Variants in TMEM245 observed in about 807,000 individuals in gnomAD.
TMEM245 encodes protein CG-2.
A neutral mutation model predicts 101.2 loss-of-function variants in TMEM245; 69 were observed. The observed-to-expected ratio is 0.68, with a 90% CI of 0.56 to 0.83. The LOEUF (loss-of-function observed/expected upper bound fraction) is 0.83. TMEM245 is among the 40% of genes least tolerant of loss of function. TMEM245 has a pLI of 0.00. For synonymous variants in TMEM245, 537 were observed against 449.8 expected (o/e 1.19, Z -2.45); for missense variants, 1,075 against 1,092.8 (o/e 0.98, Z 0.23).
chr9:109,033,581 T>G (rs1295732473), intron 16 of TMEM245, 80 bp from the exon 17 acceptor site: 1 of 1,352,296 alleles, frequency 7.4e-7, no homozygotes, highest in Middle Eastern at 1.9e-4. Flanking sequence ...GTGCATTCTT[T>G]AATACACTAT....
chr9:109,108,377 C>A, intron 2 of TMEM245, 76 bp downstream of exon 2: 1 of 707,394 alleles, frequency 1.4e-6, no homozygotes, highest in Non-Finnish European at 2.2e-6. Flanking sequence ...AAAAAATTCA[C>A]TTTCATTCAC....
chr9:109,048,756 G>A, intron 14 of TMEM245, among the ~76,000 whole-genome samples: 1 of 152,172 alleles, frequency 6.6e-6, no homozygotes, highest in Non-Finnish European at 1.5e-5. Flanking sequence ...AGGAAGCCAA[G>A]AGCCAACGAC....
intron 3 of TMEM245, among the ~76,000 whole-genome samples, chr9:109,095,589 G>T (rs1280747143): frequency 6.6e-6 from 1 of 152,148 alleles, no homozygotes; most frequent in Non-Finnish European, 1.5e-5. Context: ...ACCACATGAA[G>T]GACTTTAGTG....
intron 17 of TMEM245, among the ~76,000 whole-genome samples, chr9:109,021,567 T>G (rs1258217738): frequency 1.3e-5 from 2 of 152,220 alleles, no homozygotes; most frequent in Non-Finnish European, 2.9e-5. Context: ...CAGGCTGGAG[T>G]ATACTGGTGC....
At chr9:109,040,412 T>C (rs986030389) in intron 14 of TMEM245, among the ~76,000 whole-genome samples, 1 of 152,224 alleles carries the variant, frequency 6.6e-6, no homozygotes, top group Non-Finnish European at 1.5e-5. Context: ...TGCACAAATA[T>C]ATACATTCTA....
intron 3 of TMEM245, 117 bp downstream of exon 3, chr9:109,106,391 C>T (rs183160552): frequency 2.1e-3 from 1,191 of 554,202 alleles, no homozygotes; most frequent in Admixed American, 3.7e-3. Flanking sequence ...ATTTTCCACT[C>T]AGAAACCATC....
chr9:109,106,750 T>A (rs1043436250), intron 2 of TMEM245, 141 bp from the exon 3 acceptor site: 362 of 541,254 alleles, frequency 6.7e-4, no homozygotes, highest in Middle Eastern at 1.4e-3. Context: ...AAAAAAAAAA[T>A]TTAAGTCCAT....
At chr9:109,032,885 G>A (rs146136804) in intron 17 of TMEM245, among the ~76,000 whole-genome samples, 78 of 131,046 alleles carry the variant, frequency 6.0e-4, no homozygotes, top group African/African-American at 2.1e-3. Flanking sequence ...TGCAGCCTCC[G>A]CCTCCTGGGT....
chr9:109,080,993 A>C, intron 7 of TMEM245, 50 bp from the exon 8 acceptor site: 5 of 1,179,496 alleles, frequency 4.2e-6, no homozygotes, highest in Non-Finnish European at 6.3e-6. Flanking sequence ...TAGAACTTTA[A>C]AAATACATAT....
intron 1 of TMEM245, among the ~76,000 whole-genome samples, chr9:109,115,548 T>A (rs1352468148): frequency 5.9e-5 from 7 of 119,594 alleles, no homozygotes; most frequent in East Asian, 2.8e-4. Flanking sequence ...TTTTTTTTTT[T>A]AAGACAGAGT....
At position 109,054,358 on chromosome 9, in the gene TMEM245, C is replaced by T. The variant is rs1828774481; in HGVS notation, c.1854+2833G>A. Among the ~76,000 whole-genome samples, 3 of 152,136 alleles carry T rather than the reference C, an allele frequency of 2.0e-5. No individual in the cohort carries two copies. The South Asian group carries it at 6.2e-4, about 32-fold the overall frequency. On this transcript the variant is annotated intron_variant, in intron 12 of 17. Transcript: ENST00000374586. Reference sequence around the variant, plus strand: ...AATTAGTTTAATTGAGGACCTAACACCATACTAAATTCTAAGGTAGTGATA... The same window carrying T: ...AATTAGTTTAATTGAGGACCTAACATCATACTAAATTCTAAGGTAGTGATA...
chr9:109,054,148 T>A (rs915394885), intron 12 of TMEM245, among the ~76,000 whole-genome samples: 4 of 152,028 alleles, frequency 2.6e-5, no homozygotes, highest in African/African-American at 9.7e-5. Context: ...CCGTGCAACA[T>A]AGCAAGACCC....
At chr9:109,039,717 T>C (rs1361584228) in intron 14 of TMEM245, among the ~76,000 whole-genome samples, 1 of 151,648 alleles carries the variant, frequency 6.6e-6, no homozygotes, top group Non-Finnish European at 1.5e-5. Flanking sequence ...GACAAAGAAA[T>C]ACCAGCCAGA....
intron 11 of TMEM245, among the ~76,000 whole-genome samples, chr9:109,058,518 G>C (rs548620234): frequency 6.6e-6 from 1 of 152,230 alleles, no homozygotes; most frequent in South Asian, 2.1e-4. Flanking sequence ...GATCACTTGA[G>C]CCTAGCCGTT....
chr9:109,104,950 T>C (rs1305376167), intron 3 of TMEM245, among the ~76,000 whole-genome samples: 2 of 152,188 alleles, frequency 1.3e-5, no homozygotes. Flanking sequence ...ACCTTGGATT[T>C]GGCAATTGTT....
intron 8 of TMEM245, among the ~76,000 whole-genome samples, chr9:109,076,974 G>A (rs969877998): frequency 6.6e-6 from 1 of 151,976 alleles, no homozygotes; most frequent in South Asian, 2.1e-4. Flanking sequence ...GATAACAGGT[G>A]TGTACCACTG....
chr9:109,038,397 C>T, intron 14 of TMEM245: 1 of 228,582 alleles, frequency 4.4e-6, no homozygotes, highest in Non-Finnish European at 8.4e-6. Context: ...CTTAAAATAC[C>T]CTATTCTCTG....
At chr9:109,094,135 T>C (rs1303470144) in intron 3 of TMEM245, among the ~76,000 whole-genome samples, 1 of 152,254 alleles carries the variant, frequency 6.6e-6, no homozygotes, top group East Asian at 1.9e-4. Context: ...AGGAACATCA[T>C]GACGTTGTTT....
chr9:109,103,894 T>C (rs1172549218), intron 3 of TMEM245, among the ~76,000 whole-genome samples: 52 of 151,926 alleles, frequency 3.4e-4, no homozygotes, highest in Non-Finnish European at 2.2e-4. Context: ...GAGACCAGCC[T>C]GGCCAACATG....
Sources: gnomAD v4.1 joint callset for allele counts (sites outside exome capture counted in the v4.1 genomes callset) on GRCh38, gnomAD v4.1.1 for gene constraint, MANE v1.5 for transcripts, NCBI Gene and HGNC (gene_info 2026-07-23, HGNC 2026-07-21) for gene names.